NOX4: variants seen among roughly 807,000 people sequenced by gnomAD.
NOX4 encodes kidney oxidase-1.
Under a neutral mutation model 87.6 loss-of-function variants are expected in NOX4, and 69 were observed. The observed-to-expected ratio is 0.79, with a 90% confidence interval of 0.65 to 0.96. NOX4 has a LOEUF of 0.96. Among genes scored for constraint, NOX4 ranks in the 40% least tolerant of loss-of-function variants. The probability of loss-of-function intolerance (pLI) is 0.00; values close to 1 mark genes in which losing one functional copy is unlikely to be tolerated. For synonymous variants in NOX4, 275 were observed against 238.2 expected (o/e 1.15, Z -1.42); for missense variants, 680 against 681.5 (o/e 1.00, Z 0.02).
chr11:89,547,232 TG>T, the NOX4 span, among the ~76,000 whole-genome samples: 109 of 151,648 alleles, frequency 7.2e-4, 1 homozygote, highest in South Asian at 0.02. Flanking sequence ...TAGAATCACA[TG>T]GGGGGGGACA....
intron 12 of NOX4, among the ~76,000 whole-genome samples, chr11:89,372,430 C>T (rs1939515264): frequency 6.6e-6 from 1 of 151,936 alleles, no homozygotes; most frequent in Admixed American, 6.6e-5. Flanking sequence ...TTGACTTTGT[C>T]TTTGTTTCAT....
At chr11:89,536,759 CTA>C in the NOX4 span, among the ~76,000 whole-genome samples, 1 of 152,076 alleles carries the variant, frequency 6.6e-6, no homozygotes. Context: ...CAGCTAGATA[CTA>C]TGTCTGGCGT....
intron 11 of NOX4, among the ~76,000 whole-genome samples, chr11:89,395,857 G>A (rs967478659): frequency 1.3e-5 from 2 of 152,028 alleles, no homozygotes; most frequent in Non-Finnish European, 2.9e-5. Flanking sequence ...TGTTCCATTG[G>A]TCTATATCTC....
At chr11:89,468,587 C>A (rs1217254130) in intron 2 of NOX4, among the ~76,000 whole-genome samples, 1 of 152,168 alleles carries the variant, frequency 6.6e-6, no homozygotes, top group Non-Finnish European at 1.5e-5. Flanking sequence ...TCCTATTAAA[C>A]AATGATCCCT....
intron 11 of NOX4, among the ~76,000 whole-genome samples, chr11:89,374,749 T>G (rs1194511364): frequency 6.6e-6 from 1 of 152,132 alleles, no homozygotes; most frequent in East Asian, 1.9e-4. Context: ...CATGTGTTGA[T>G]CATTAGTAGA....
chr11:89,506,670 C>G, the NOX4 span, among the ~76,000 whole-genome samples: 5 of 151,764 alleles, frequency 3.3e-5, no homozygotes, highest in African/African-American at 1.2e-4. Context: ...AATAAAATAT[C>G]TGTAACTCAT....
At chr11:89,438,855 A>ATATAGTG (rs1944288604) in intron 6 of NOX4, among the ~76,000 whole-genome samples, 1 of 45,848 alleles carries the variant, frequency 2.2e-5, no homozygotes, top group Admixed American at 4.2e-4. Flanking sequence ...ATTATATAAT[A>ATATAGTG]TATTATATAT....
chr11:89,570,349 G>T, the NOX4 span, among the ~76,000 whole-genome samples: 1 of 152,266 alleles, frequency 6.6e-6, no homozygotes, highest in South Asian at 2.1e-4. Context: ...CTACTTGAGG[G>T]TGGAGGGTTG....
chr11:89,442,358 T>C (rs1236554139), intron 5 of NOX4, among the ~76,000 whole-genome samples: 1 of 152,004 alleles, frequency 6.6e-6, no homozygotes, highest in East Asian at 1.9e-4. Context: ...CCATCAAAAC[T>C]AAAAATGTAC....
At chr11:89,375,970 A>G (rs919715308) in intron 11 of NOX4, among the ~76,000 whole-genome samples, 3 of 152,228 alleles carry the variant, frequency 2.0e-5, no homozygotes, top group African/African-American at 7.2e-5. Flanking sequence ...AATAAAATAC[A>G]TATTTTGCCA....
chr11:89,497,299 T>C (rs939711369), intron 1 of NOX4, among the ~76,000 whole-genome samples: 4 of 152,218 alleles, frequency 2.6e-5, no homozygotes, highest in Admixed American at 2.6e-4. Context: ...TTCTTAAAGT[T>C]TTAAACAGAA....
At chr11:89,418,422 GAATAATAATAATAATAAT>G (rs113480992) in intron 8 of NOX4, among the ~76,000 whole-genome samples, 1 of 139,746 alleles carries the variant, frequency 7.2e-6, no homozygotes, top group African/African-American at 2.6e-5. Flanking sequence ...TGAACATTGA[GAATAATAATAATAATAAT>G]AATAATAATA....
intron 2 of NOX4, among the ~76,000 whole-genome samples, chr11:89,471,338 T>C (rs1945930916): frequency 6.6e-6 from 1 of 152,152 alleles, no homozygotes; most frequent in African/African-American, 2.4e-5. Context: ...AAATTGTTTC[T>C]AATAAGTACT....
intron 2 of NOX4, among the ~76,000 whole-genome samples, chr11:89,473,279 T>C (rs924342114): frequency 6.6e-6 from 1 of 152,156 alleles, no homozygotes; most frequent in Non-Finnish European, 1.5e-5. Context: ...TTGTGTCTCC[T>C]ACATCATGGG....
intron 2 of NOX4, among the ~76,000 whole-genome samples, chr11:89,480,630 G>A (rs958920294): frequency 6.6e-6 from 1 of 151,966 alleles, no homozygotes; most frequent in Non-Finnish European, 1.5e-5. Context: ...TAATCAATGC[G>A]CAAATTGCTT....
intron 11 of NOX4, among the ~76,000 whole-genome samples, chr11:89,387,303 A>G (rs903518094): frequency 6.6e-6 from 1 of 152,046 alleles, no homozygotes; most frequent in African/African-American, 2.4e-5. Context: ...TGATGATATT[A>G]CCTTGTGAAA....
chr11:89,513,326 A>T, the NOX4 span, among the ~76,000 whole-genome samples: 1 of 152,010 alleles, frequency 6.6e-6, no homozygotes, highest in African/African-American at 2.4e-5. Context: ...GTCTAAAAAA[A>T]AAAAAATCAC....
At chr11:89,434,613 A>T (rs1304408875) in intron 6 of NOX4, among the ~76,000 whole-genome samples, 1 of 151,928 alleles carries the variant, frequency 6.6e-6, no homozygotes, top group Admixed American at 6.6e-5. Flanking sequence ...CCAAGTGTTT[A>T]CCCAAAAGAA....
the NOX4 span, among the ~76,000 whole-genome samples, chr11:89,581,268 T>TA: frequency 1.5e-4 from 23 of 152,278 alleles, no homozygotes; most frequent in South Asian, 4.6e-3. Context: ...AGCTATCCCT[T>TA]AAAAAACTCA....
Sources: gnomAD v4.1 joint callset for allele counts (sites outside exome capture counted in the v4.1 genomes callset) on GRCh38, gnomAD v4.1.1 for gene constraint, MANE v1.5 for transcripts, NCBI Gene and HGNC (gene_info 2026-07-23, HGNC 2026-07-21) for gene names.